Variants in POLR3B observed in about 807,000 individuals in gnomAD.
POLR3B encodes the protein DNA-directed RNA polymerase III subunit RPC2.
Under a neutral mutation model 147.4 loss-of-function variants are expected in POLR3B, and 96 were observed. The observed-to-expected ratio is 0.65, with a 90% CI of 0.55 to 0.77. The LOEUF (loss-of-function observed/expected upper bound fraction) is 0.77. POLR3B is among the 30% of genes least tolerant of loss of function. POLR3B has a pLI of 0.00. For missense variants in POLR3B, 1,036 were observed against 1,413.5 expected, an observed-to-expected ratio of 0.73 and a Z score of 4.28; for synonymous variants, 461 against 485.9, an observed-to-expected ratio of 0.95 and a Z score of 0.67.
chr12:106,461,944 TCA>T (rs1437881226), intron 22 of POLR3B, among the ~76,000 whole-genome samples: 2 of 152,178 alleles, frequency 1.3e-5, no homozygotes, highest in Admixed American at 1.3e-4. Context: ...AGTGTCAGCT[TCA>T]TATCAGCACT....
intron 23 of POLR3B, among the ~76,000 whole-genome samples, chr12:106,485,274 C>G (rs141230144): frequency 0.01 from 1,531 of 152,176 alleles, 15 homozygotes; most frequent in Non-Finnish European, 0.015. Context: ...TGGCATTAAT[C>G]CATTCATGGG....
chr12:106,380,519 G>T (rs1256565179), intron 9 of POLR3B, among the ~76,000 whole-genome samples: 1 of 152,078 alleles, frequency 6.6e-6, no homozygotes, highest in African/African-American at 2.4e-5. Context: ...GGAGGCAAAG[G>T]TTGCAGTGAG....
intron 9 of POLR3B, among the ~76,000 whole-genome samples, chr12:106,384,915 G>A (rs1037726847): frequency 1.3e-5 from 2 of 150,038 alleles, no homozygotes; most frequent in African/African-American, 2.5e-5. Flanking sequence ...GCAACTTCCC[G>A]TCCAGTTTCA....
chr12:106,451,535 T>C (rs2037795690), intron 19 of POLR3B, among the ~76,000 whole-genome samples: 1 of 148,940 alleles, frequency 6.7e-6, no homozygotes, highest in East Asian at 2.0e-4. Flanking sequence ...GGCACAAGAA[T>C]CAGTTGAACC....
At chr12:106,464,156 T>TTG (rs1244445776) in intron 23 of POLR3B, among the ~76,000 whole-genome samples, 1 of 152,166 alleles carries the variant, frequency 6.6e-6, no homozygotes, top group Non-Finnish European at 1.5e-5. Context: ...GGGCGGTGCT[T>TTG]TGTGTGTGTC....
At chr12:106,466,103 C>T (rs2038002529) in intron 23 of POLR3B, among the ~76,000 whole-genome samples, 1 of 152,192 alleles carries the variant, frequency 6.6e-6, no homozygotes, top group Non-Finnish European at 1.5e-5. Context: ...TCTATAACCT[C>T]TCCAGCGTCT....
intron 6 of POLR3B, among the ~76,000 whole-genome samples, chr12:106,373,535 C>T (rs543553272): frequency 7.2e-5 from 11 of 152,202 alleles, no homozygotes; most frequent in Non-Finnish European, 1.5e-4. Flanking sequence ...GGGTGGATCA[C>T]CTGAGGTTGG....
rs770230205 is a variant in POLR3B at position 106,410,902 on chromosome 12, A to T, written c.1043A>T (p.Asp348Val). Residue 348 changes from aspartate (D) to valine (V), a missense_variant, in exon 12 of 28, where the codon GAT becomes GTT. Asp to Val is a radical substitution (Grantham distance 152). Transcript: ENST00000228347. ...CGAAGAGTTATTCTGGCCCAAGGAG[A>T]TAATAAAGTTGACGACAGAGATTAT... The part of the protein sequence containing the change: ...MVRRVILAQG[D>V]NKVDDRDYYG... 5.0e-6 allele frequency: 8 copies of T among 1,613,748 alleles called. No homozygotes were observed. Among genetic ancestry groups the T allele is most frequent in the Non-Finnish European group, 6.8e-6 (8 of 1,179,690 alleles).
intron 19 of POLR3B, among the ~76,000 whole-genome samples, chr12:106,453,181 T>C (rs2037819624): frequency 6.6e-6 from 1 of 151,794 alleles, no homozygotes; most frequent in Admixed American, 6.6e-5. Flanking sequence ...CCCGTTAATT[T>C]TTGCATTTTT....
rs144225463 is a variant in POLR3B at position 106,496,641 on chromosome 12, A to G, written c.2818-111A>G. 2.8e-3 allele frequency: 2,616 copies of G among 931,518 alleles called. 40 individuals carry two copies. The highest frequency in any genetic ancestry group is 0.023 in the African/African-American group (1,399 of 61,460). 57.7% of individuals were successfully genotyped at this position (931,518 alleles called of 1,614,324 possible). On this transcript the variant is annotated intron_variant, in intron 24 of 27. Coordinates refer to ENST00000228347, the MANE Select transcript of POLR3B (RefSeq NM_018082.6). ...TCAAGCTTAAATACTGCTTCTATTA[A>G]TTTATTACTGTTATTAATAGTGGTC...
chr12:106,403,151 A>G (rs2037094779), intron 10 of POLR3B, among the ~76,000 whole-genome samples: 1 of 152,076 alleles, frequency 6.6e-6, no homozygotes, highest in African/African-American at 2.4e-5. Flanking sequence ...TGGGCAAAGG[A>G]TATGAACCGA....
At chr12:106,471,140 A>G (rs544346878) in intron 23 of POLR3B, among the ~76,000 whole-genome samples, 1 of 152,282 alleles carries the variant, frequency 6.6e-6, no homozygotes, top group South Asian at 2.1e-4. Flanking sequence ...CACTGTGAAC[A>G]TGGAACTGCC....
intron 21 of POLR3B, among the ~76,000 whole-genome samples, chr12:106,458,820 C>T (rs760457268): frequency 6.6e-5 from 10 of 152,166 alleles, no homozygotes; most frequent in Non-Finnish European, 1.3e-4. Context: ...ATGGGAATAA[C>T]AGCATAACCA....
intron 23 of POLR3B, among the ~76,000 whole-genome samples, chr12:106,488,470 T>C (rs992809830): frequency 1.3e-5 from 2 of 152,190 alleles, no homozygotes; most frequent in Non-Finnish European, 2.9e-5. Flanking sequence ...TGGGGAGAAA[T>C]ATGTAAACCC....
intron 11 of POLR3B, 25 bp downstream of exon 11, chr12:106,406,001 A>G: frequency 2.5e-6 from 4 of 1,612,554 alleles, no homozygotes; most frequent in Non-Finnish European, 3.4e-6. Flanking sequence ...GTTATTGTGA[A>G]TAAGGACTGT....
At chr12:106,392,685 G>T (rs1438907792) in intron 9 of POLR3B, among the ~76,000 whole-genome samples, 3 of 152,172 alleles carry the variant, frequency 2.0e-5, no homozygotes, top group Non-Finnish European at 4.4e-5. Context: ...CCTTTTGGCT[G>T]TTTGTCTTTA....
chr12:106,458,290 T>C (rs999104806), intron 21 of POLR3B, among the ~76,000 whole-genome samples: 1 of 151,794 alleles, frequency 6.6e-6, no homozygotes, highest in African/African-American at 2.4e-5. Context: ...GCCTGGATAG[T>C]TTTTTGTATT....
chr12:106,366,873 G>T lies in POLR3B; in HGVS notation c.227+151G>T, dbSNP rs556703612. The T allele has an allele frequency of 8.9e-6, 6 of 671,960 alleles. No individual in the cohort carries two copies. In the East Asian group the frequency reaches 1.4e-4, roughly 16 times the overall value. 41.6% of individuals were successfully genotyped at this position (671,960 alleles called of 1,614,324 possible). ...ATACCAAGCACTTTGGGAGGCCGAG[G>T]TGGGCAAATCACCTGGGGTCAAGAG... On this transcript the variant is annotated intron_variant, in intron 4 of 27. Coordinates refer to ENST00000228347, the MANE Select transcript of POLR3B (RefSeq NM_018082.6).
At chr12:106,446,122 TTGAAATATA>T (rs967151096) in intron 19 of POLR3B, 3 of 316,494 alleles carry the variant, frequency 9.5e-6, no homozygotes, top group East Asian at 2.0e-4. Context: ...TGCTAACAAG[TTGAAATATA>T]CAGTACTGAA....
Sources: allele counts gnomAD v4.1 joint callset (sites outside exome capture counted in the v4.1 genomes callset), GRCh38; gene constraint gnomAD v4.1.1; transcripts MANE v1.5; gene names NCBI Gene and HGNC (gene_info 2026-07-23, HGNC 2026-07-21).